Variants in NRXN1 observed in about 807,000 individuals in gnomAD.
NRXN1 encodes neurexin-1.
In NRXN1, 39 loss-of-function variants were observed where a neutral mutation model predicts 150.9. The ratio of observed to expected loss-of-function variants is 0.26; its 90% confidence interval spans 0.20 to 0.34. The LOEUF is 0.34. NRXN1 is among the 10% of genes least tolerant of loss of function. NRXN1 has a pLI of 1.00. For synonymous variants in NRXN1, 924 were observed against 757.0 expected, an observed-to-expected ratio of 1.22 and a Z score of -3.62; for missense variants, 1,815 against 1,949.9, an observed-to-expected ratio of 0.93 and a Z score of 1.30.
intron 2 of NRXN1, chr2:50,985,428 T>G (rs1260694191): frequency 6.6e-6 from 1 of 151,892 alleles, no homozygotes; most frequent in African/African-American, 2.4e-5. Context: ...CGTCGGTTAA[T>G]AGAAGAGTAT....
intron 5 of NRXN1, among the ~76,000 whole-genome samples, chr2:50,785,485 T>C (rs920449862): frequency 6.6e-6 from 1 of 152,168 alleles, no homozygotes; most frequent in Non-Finnish European, 1.5e-5. Context: ...CCTGACCTCA[T>C]GGTCCGCCCG....
At chr2:50,993,706 A>G (rs1698877136) in intron 2 of NRXN1, among the ~76,000 whole-genome samples, 1 of 152,002 alleles carries the variant, frequency 6.6e-6, no homozygotes, top group Non-Finnish European at 1.5e-5. Context: ...TATAATAAAT[A>G]TAATCCATAT....
chr2:50,930,416 A>G (rs1292632126), intron 2 of NRXN1, among the ~76,000 whole-genome samples: 1 of 151,340 alleles, frequency 6.6e-6, no homozygotes, highest in African/African-American at 2.4e-5. Context: ...AGGAAGGAAA[A>G]GCAAGAAAGC....
chr2:50,306,007 A>C (rs959106847), intron 17 of NRXN1, among the ~76,000 whole-genome samples: 1 of 152,220 alleles, frequency 6.6e-6, no homozygotes, highest in Non-Finnish European at 1.5e-5. Flanking sequence ...AAATGAGACA[A>C]GTGAAAAGCA....
chr2:50,586,808 A>C (rs1673187043), intron 8 of NRXN1, among the ~76,000 whole-genome samples: 1 of 152,200 alleles, frequency 6.6e-6, no homozygotes, highest in South Asian at 2.1e-4. Context: ...GTACAGGTAG[A>C]TAAATGTAGT....
intron 19 of NRXN1, among the ~76,000 whole-genome samples, chr2:50,057,012 C>G (rs1049913769): frequency 6.6e-6 from 1 of 152,090 alleles, no homozygotes; most frequent in African/African-American, 2.4e-5. Context: ...CCCTCTTGCC[C>G]AATTACTACT....
chr2:50,620,661 A>C (rs1271819747), intron 7 of NRXN1, among the ~76,000 whole-genome samples: 1 of 152,214 alleles, frequency 6.6e-6, no homozygotes, highest in Non-Finnish European at 1.5e-5. Flanking sequence ...ATTGTTCAGC[A>C]TGCAAGTGCC....
intron 22 of NRXN1, among the ~76,000 whole-genome samples, chr2:49,929,274 G>C (rs1669702140): frequency 6.6e-6 from 1 of 152,106 alleles, no homozygotes; most frequent in Admixed American, 6.6e-5. Context: ...GTATGACCTT[G>C]GTGACACTGA....
intron 5 of NRXN1, among the ~76,000 whole-genome samples, chr2:50,775,994 C>A (rs12465724): frequency 1.3e-3 from 199 of 152,134 alleles, no homozygotes; most frequent in Non-Finnish European, 2.4e-3. Flanking sequence ...TGCTTAAAAT[C>A]TAAGATGAAG....
At chr2:50,477,004 A>T (rs1219265439) in intron 15 of NRXN1, among the ~76,000 whole-genome samples, 1 of 152,142 alleles carries the variant, frequency 6.6e-6, no homozygotes, top group Non-Finnish European at 1.5e-5. Flanking sequence ...AAAGTGGGGG[A>T]GCATACAAAA....
intron 21 of NRXN1, among the ~76,000 whole-genome samples, chr2:49,957,532 C>G (rs1675194068): frequency 6.6e-6 from 1 of 152,130 alleles, no homozygotes; most frequent in Non-Finnish European, 1.5e-5. Context: ...ATTCACACAT[C>G]CATGTTTAAA....
intron 5 of NRXN1, chr2:50,631,149 G>C (rs1682246758): frequency 2.3e-6 from 1 of 433,780 alleles, no homozygotes; most frequent in African/African-American, 2.1e-5. Context: ...CGTAATATAT[G>C]TTGTAAAATA....
At chr2:50,987,002 C>G (rs1298419110) in intron 2 of NRXN1, among the ~76,000 whole-genome samples, 1 of 151,812 alleles carries the variant, frequency 6.6e-6, no homozygotes, top group African/African-American at 2.4e-5. Flanking sequence ...TTTCACAATA[C>G]ATTTCTATAT....
Position 50,614,673 on chromosome 2 carries a change from A to C in NRXN1, c.1320+5349T>G, listed in dbSNP as rs2882767. Among the ~76,000 whole-genome samples, 12 of 145,432 alleles carry C rather than the reference A, an allele frequency of 8.3e-5. No individual in the cohort carries two copies. The South Asian group carries it at 8.6e-4, about 10-fold the overall frequency. ...TATATATATATAAAATAAAAAAAAA[A>C]CAGAATATCCCCTTTTGGAAGTAGA... is the stretch of plus-strand genomic sequence containing the variant. On this transcript the variant is annotated intron_variant, in intron 8 of 22. Transcript: ENST00000401669.
At chr2:50,420,154 G>A (rs2083864132) in intron 17 of NRXN1, among the ~76,000 whole-genome samples, 1 of 152,046 alleles carries the variant, frequency 6.6e-6, no homozygotes, top group Non-Finnish European at 1.5e-5. Context: ...ATGGAGAGGA[G>A]AGCAGAGGTA....
At chr2:50,994,895 CTGT>C (rs1232044749) in intron 2 of NRXN1, among the ~76,000 whole-genome samples, 6 of 151,846 alleles carry the variant, frequency 4.0e-5, no homozygotes, top group Non-Finnish European at 7.4e-5. Flanking sequence ...TGCAATTACA[CTGT>C]TTTTTTAAAA....
chr2:50,447,737 T>A (rs1289711267), intron 17 of NRXN1, among the ~76,000 whole-genome samples: 1 of 37,934 alleles, frequency 2.6e-5, no homozygotes, highest in East Asian at 2.0e-3. Flanking sequence ...CAGGGGAACG[T>A]TATATATATA....
intron 19 of NRXN1, among the ~76,000 whole-genome samples, chr2:50,065,554 T>C (rs1442433213): frequency 6.6e-6 from 1 of 152,164 alleles, no homozygotes; most frequent in Non-Finnish European, 1.5e-5. Context: ...TCCTCAACGA[T>C]TTATCAGGAG....
intron 22 of NRXN1, among the ~76,000 whole-genome samples, chr2:49,924,161 T>G (rs1668690679): frequency 6.6e-6 from 1 of 152,214 alleles, no homozygotes; most frequent in Admixed American, 6.5e-5. Flanking sequence ...TACAGAGCAT[T>G]CTTTTACTAT....
Sources: gnomAD v4.1 joint callset for allele counts (sites outside exome capture counted in the v4.1 genomes callset) on GRCh38, gnomAD v4.1.1 for gene constraint, MANE v1.5 for transcripts, NCBI Gene and HGNC (gene_info 2026-07-23, HGNC 2026-07-21) for gene names.